Variants in PTPRG observed in about 807,000 individuals in gnomAD.
PTPRG encodes the protein receptor-type tyrosine-protein phosphatase gamma.
PTPRG carries 102 observed loss-of-function variants against 165.3 expected under a neutral mutation model. The ratio of observed to expected loss-of-function variants is 0.62; its 90% CI spans 0.53 to 0.73. The LOEUF (loss-of-function observed/expected upper bound fraction) is 0.73. PTPRG is among the 30% of genes least tolerant of loss of function. The pLI is 0.00. For synonymous variants in PTPRG, 675 were observed against 669.5 expected, an observed-to-expected ratio of 1.01 and a Z score of -0.13; for missense variants, 1,866 against 1,861.4, an observed-to-expected ratio of 1.00 and a Z score of -0.05.
chr3:61,817,508 TC>T (rs1477816860), intron 2 of PTPRG, among the ~76,000 whole-genome samples: 7 of 152,020 alleles, frequency 4.6e-5, no homozygotes, highest in Non-Finnish European at 4.4e-5. Flanking sequence ...CCCAAATTCT[TC>T]CATGGAAAAA....
At chr3:61,827,836 T>G (rs542083978) in intron 2 of PTPRG, among the ~76,000 whole-genome samples, 2 of 152,306 alleles carry the variant, frequency 1.3e-5, no homozygotes, top group Admixed American at 1.3e-4. Context: ...CTAAAGAGAT[T>G]AGATATTATA....
intron 2 of PTPRG, among the ~76,000 whole-genome samples, chr3:61,920,395 T>G (rs1165967277): frequency 3.3e-5 from 5 of 152,180 alleles, no homozygotes; most frequent in African/African-American, 1.2e-4. Flanking sequence ...TTTTTAAGAC[T>G]TTTTTTATTT....
intron 2 of PTPRG, among the ~76,000 whole-genome samples, chr3:61,904,831 C>T (rs566423255): frequency 1.2e-4 from 19 of 152,118 alleles, no homozygotes; most frequent in African/African-American, 3.9e-4. Context: ...AGTAATTTTA[C>T]CCTGGGTTTT....
chr3:61,956,307 C>T (rs1337288892), intron 2 of PTPRG, among the ~76,000 whole-genome samples: 2 of 152,068 alleles, frequency 1.3e-5, no homozygotes, highest in African/African-American at 4.8e-5. Flanking sequence ...CACACACACA[C>T]ACGCTTACTA....
At chr3:62,194,689 G>A (rs1356030979) in intron 9 of PTPRG, among the ~76,000 whole-genome samples, 1 of 152,076 alleles carries the variant, frequency 6.6e-6, no homozygotes, top group African/African-American at 2.4e-5. Context: ...TGTAATCCCA[G>A]CTACTCGGGA....
At chr3:61,767,866 A>T (rs1299841186) in intron 2 of PTPRG, among the ~76,000 whole-genome samples, 1 of 149,376 alleles carries the variant, frequency 6.7e-6, no homozygotes, top group Non-Finnish European at 1.5e-5. Flanking sequence ...ACTACTGTGG[A>T]GGCTTACATA....
At chr3:61,744,710 A>G (rs2033129874) in intron 1 of PTPRG, among the ~76,000 whole-genome samples, 1 of 152,224 alleles carries the variant, frequency 6.6e-6, no homozygotes, top group Non-Finnish European at 1.5e-5. Flanking sequence ...AACTAAATAT[A>G]GTCACCTTTA....
intron 2 of PTPRG, among the ~76,000 whole-genome samples, chr3:61,961,534 T>C (rs2040152571): frequency 6.6e-6 from 1 of 151,312 alleles, no homozygotes; most frequent in Admixed American, 6.6e-5. Context: ...AATAAGAAAG[T>C]TTAGGCACAT....
Position 62,191,598 on chromosome 3 carries a change from C to G in PTPRG, c.1163C>G (p.Thr388Ser), listed in dbSNP as rs1170837148. Residue 388 changes from threonine to serine, a missense_variant, in exon 9 of 30, where the codon ACC becomes AGC. This residue lies in a region of PTPRG where 1,452 missense variants were observed against 1,463.0 expected (regional missense o/e 0.99). Coordinates refer to ENST00000474889, the MANE Select transcript of PTPRG (RefSeq NM_002841.4). ...IMNYMISYSW[T>S]KNEDEKEKTF... Reference sequence around the variant, plus strand: ...AACTACATGATCTCCTACAGCTGGACCAAGAATGAGGACGAGAAGGAGAAG... The same window carrying G: ...AACTACATGATCTCCTACAGCTGGAGCAAGAATGAGGACGAGAAGGAGAAG... 6.2e-6 allele frequency: 10 copies of G among 1,614,100 alleles called. No individual in the cohort carries two copies. The South Asian group carries it at 6.6e-5, about 11-fold the overall frequency.
At chr3:61,590,517 C>G (rs1429291737) in intron 1 of PTPRG, among the ~76,000 whole-genome samples, 2 of 151,636 alleles carry the variant, frequency 1.3e-5, no homozygotes, top group Admixed American at 1.3e-4. Flanking sequence ...GAGCAAGACT[C>G]CATCTCAAAA....
At chr3:62,137,597 A>G (rs1703759533) in intron 6 of PTPRG, among the ~76,000 whole-genome samples, 1 of 152,036 alleles carries the variant, frequency 6.6e-6, no homozygotes, top group African/African-American at 2.4e-5. Context: ...CTCAGTTGTC[A>G]TGGGTTCGCC....
At chr3:62,274,322 T>G (rs1015009299) in intron 23 of PTPRG, among the ~76,000 whole-genome samples, 1 of 152,162 alleles carries the variant, frequency 6.6e-6, no homozygotes, top group Non-Finnish European at 1.5e-5. Flanking sequence ...CCTAAATGGT[T>G]GTTCTTTTTC....
chr3:61,806,333 A>G lies in PTPRG; in HGVS notation c.190+57351A>G, dbSNP rs1048274333. Among the ~76,000 whole-genome samples the G allele has an allele frequency of 3.3e-5, 5 of 152,194 alleles. No individual in the cohort carries two copies. In the East Asian group the frequency reaches 9.6e-4, roughly 29 times the overall value. On this transcript the variant is annotated intron_variant, in intron 2 of 29. Coordinates refer to ENST00000474889, the MANE Select transcript of PTPRG (RefSeq NM_002841.4). ...GTTTCTAAAGTTACAGAATCTGTAG[A>G]TCTGTTACACAAGTGCATGTAGGTA...
intron 1 of PTPRG, among the ~76,000 whole-genome samples, chr3:61,624,617 C>T (rs1188034174): frequency 6.6e-6 from 1 of 152,084 alleles, no homozygotes; most frequent in African/African-American, 2.4e-5. Context: ...AGAAAATTAA[C>T]CCTTATATGT....
intron 2 of PTPRG, among the ~76,000 whole-genome samples, chr3:61,931,928 G>T (rs1043955074): frequency 6.6e-6 from 1 of 152,142 alleles, no homozygotes; most frequent in African/African-American, 2.4e-5. Flanking sequence ...GAAGCTTCTG[G>T]TTGAAACATT....
At chr3:62,199,381 C>T (rs913574862) in intron 10 of PTPRG, among the ~76,000 whole-genome samples, 1 of 152,142 alleles carries the variant, frequency 6.6e-6, no homozygotes, top group African/African-American at 2.4e-5. Context: ...GGCATGTACA[C>T]ATGAGGGGAG....
At chr3:61,870,101 T>C (rs547850437) in intron 2 of PTPRG, among the ~76,000 whole-genome samples, 35 of 152,270 alleles carry the variant, frequency 2.3e-4, no homozygotes, top group Admixed American at 1.4e-3. Context: ...TTTCAAGATA[T>C]GAATTGTGGG....
chr3:61,778,552 T>A (rs564758936), intron 2 of PTPRG, among the ~76,000 whole-genome samples: 83 of 152,248 alleles, frequency 5.5e-4, no homozygotes, highest in Admixed American at 9.2e-4. Context: ...TTGATTTTGT[T>A]CTAGGAAGTC....
chr3:61,837,001 C>T (rs1221674094), intron 2 of PTPRG, among the ~76,000 whole-genome samples: 2 of 152,124 alleles, frequency 1.3e-5, no homozygotes, highest in East Asian at 1.9e-4. Flanking sequence ...GCCTTCACCT[C>T]CTGGGTTAAA....
Sources: gnomAD v4.1 joint callset for allele counts (sites outside exome capture counted in the v4.1 genomes callset) on GRCh38, gnomAD v4.1.1 for gene constraint, gnomAD v4.1.1 regional missense constraint, MANE v1.5 for transcripts, NCBI Gene and HGNC (gene_info 2026-07-23, HGNC 2026-07-21) for gene names.